Variants in DLG2 observed in about 807,000 individuals in gnomAD.
The protein encoded by DLG2 is discs large MAGUK scaffold protein 2.
Under a neutral mutation model 132.5 loss-of-function variants are expected in DLG2, and 45 were observed. That is an observed-to-expected ratio of 0.34 (90% CI 0.27 to 0.44). DLG2 has a LOEUF of 0.44. Among genes scored for constraint, DLG2 ranks in the 20% least tolerant of loss-of-function variants. The probability of loss-of-function intolerance (pLI) is 1.00; values close to 1 mark genes in which losing one functional copy is unlikely to be tolerated. For missense variants in DLG2, 1,045 were observed against 1,196.9 expected (o/e 0.87, Z 1.87); for synonymous variants, 424 against 419.6 (o/e 1.01, Z -0.13).
chr11:85,386,452 G>A (rs1163568431), intron 3 of DLG2, among the ~76,000 whole-genome samples: 2 of 152,104 alleles, frequency 1.3e-5, no homozygotes, highest in African/African-American at 2.4e-5. Flanking sequence ...GACTTCTGAC[G>A]TGCTTTTCTG....
chr11:83,908,483 C>T (rs144848613), intron 15 of DLG2, among the ~76,000 whole-genome samples: 129 of 152,106 alleles, frequency 8.5e-4, no homozygotes, highest in Middle Eastern at 3.4e-3. Flanking sequence ...TGCACACACA[C>T]GAGCATATGC....
intron 18 of DLG2, among the ~76,000 whole-genome samples, chr11:83,702,124 A>G (rs2153644710): frequency 6.6e-6 from 1 of 152,330 alleles, no homozygotes; most frequent in East Asian, 1.9e-4. Context: ...GCTTGGGATC[A>G]GGATATCTCA....
chr11:85,212,573 G>A (rs1261806939), intron 4 of DLG2, among the ~76,000 whole-genome samples: 1 of 152,100 alleles, frequency 6.6e-6, no homozygotes, highest in African/African-American at 2.4e-5. Context: ...GTTGAGTAAT[G>A]TAATCTAACC....
intron 4 of DLG2, among the ~76,000 whole-genome samples, chr11:85,264,480 A>G (rs1032010730): frequency 6.6e-6 from 1 of 152,146 alleles, no homozygotes; most frequent in Non-Finnish European, 1.5e-5. Flanking sequence ...GTGAAGTCCT[A>G]ATCAACAGGA....
chr11:84,588,637 A>C (rs1370965162), intron 6 of DLG2, among the ~76,000 whole-genome samples: 2 of 152,104 alleles, frequency 1.3e-5, no homozygotes, highest in Non-Finnish European at 2.9e-5. Context: ...ATTCCCAGTA[A>C]GTTAAAGCAT....
chr11:85,414,543 T>C (rs763826446), intron 3 of DLG2, among the ~76,000 whole-genome samples: 1 of 151,980 alleles, frequency 6.6e-6, no homozygotes. Context: ...GAAAGTTTCA[T>C]GCGCTGTTGA....
At chr11:83,950,922 C>A (rs190911199) in intron 14 of DLG2, among the ~76,000 whole-genome samples, 65 of 152,218 alleles carry the variant, frequency 4.3e-4, no homozygotes, top group African/African-American at 1.5e-3. Context: ...GCCTGCCCCC[C>A]CCTCCACACT....
At chr11:85,291,479 T>C (rs1252083928) in intron 3 of DLG2, among the ~76,000 whole-genome samples, 4 of 151,392 alleles carry the variant, frequency 2.6e-5, no homozygotes, top group Non-Finnish European at 5.9e-5. Context: ...CCTGTGGAGG[T>C]TGTTAGTGTT....
At chr11:83,767,346 C>G (rs7927605) in intron 18 of DLG2, among the ~76,000 whole-genome samples, 4,693 of 152,180 alleles carry the variant, frequency 0.031, 253 homozygotes, top group African/African-American at 0.11. Flanking sequence ...AGAGAATTAT[C>G]CCATCACCTG....
intron 8 of DLG2, among the ~76,000 whole-genome samples, chr11:84,232,148 A>G (rs1226012445): frequency 6.6e-6 from 1 of 152,222 alleles, no homozygotes; most frequent in East Asian, 1.9e-4. Context: ...TATTCAGGTT[A>G]CAATTCTCGT....
intron 21 of DLG2, among the ~76,000 whole-genome samples, chr11:83,531,829 G>A (rs1487338816): frequency 2.0e-5 from 3 of 152,060 alleles, no homozygotes; most frequent in Non-Finnish European, 4.4e-5. Context: ...AAGAAATGAA[G>A]TACTTACACA....
At chr11:85,197,373 G>C (rs977380097) in intron 4 of DLG2, among the ~76,000 whole-genome samples, 8 of 152,050 alleles carry the variant, frequency 5.3e-5, no homozygotes, top group African/African-American at 1.2e-4. Flanking sequence ...TATAGATACA[G>C]AAAACTTTGC....
intron 3 of DLG2, among the ~76,000 whole-genome samples, chr11:85,286,385 T>C (rs950027600): frequency 6.6e-6 from 1 of 152,102 alleles, no homozygotes; most frequent in Admixed American, 6.6e-5. Flanking sequence ...TACAGATGAA[T>C]ACATATAAGA....
intron 7 of DLG2, among the ~76,000 whole-genome samples, chr11:84,386,082 A>G (rs1811821250): frequency 6.6e-6 from 1 of 151,996 alleles, no homozygotes; most frequent in Non-Finnish European, 1.5e-5. Context: ...TATTACTTTT[A>G]AAGTAATGCA....
At chr11:84,082,301 G>A (rs2096916431) in intron 10 of DLG2, among the ~76,000 whole-genome samples, 1 of 152,146 alleles carries the variant, frequency 6.6e-6, no homozygotes, top group Non-Finnish European at 1.5e-5. Flanking sequence ...TTGAAAATAT[G>A]CACTGAATAT....
At chr11:84,603,738 A>C (rs924714982) in intron 6 of DLG2, among the ~76,000 whole-genome samples, 1 of 151,950 alleles carries the variant, frequency 6.6e-6, no homozygotes, top group African/African-American at 2.4e-5. Context: ...GGTTTATGAC[A>C]AGATTATCCA....
At chr11:84,723,082 A>G (rs888940967) in intron 6 of DLG2, among the ~76,000 whole-genome samples, 1 of 152,236 alleles carries the variant, frequency 6.6e-6, no homozygotes, top group Non-Finnish European at 1.5e-5. Flanking sequence ...CAGAGCATCT[A>G]TAATTACGGC....
chr11:83,630,011 C>T (rs573041238), intron 19 of DLG2, among the ~76,000 whole-genome samples: 2 of 152,082 alleles, frequency 1.3e-5, no homozygotes, highest in Non-Finnish European at 2.9e-5. Context: ...ATCATTCCCA[C>T]AGAACAAGAA....
intron 22 of DLG2, chr11:83,483,354 G>T: frequency 7.2e-7 from 1 of 1,384,212 alleles, no homozygotes; most frequent in Non-Finnish European, 1.0e-6. Flanking sequence ...CACGGAAGAG[G>T]AAGGAAGAAG....
Sources: allele counts gnomAD v4.1 joint callset (sites outside exome capture counted in the v4.1 genomes callset), GRCh38; gene constraint gnomAD v4.1.1; transcripts MANE v1.5; gene names NCBI Gene and HGNC (gene_info 2026-07-23, HGNC 2026-07-21).